The following MED15 variants were observed in gnomAD, a reference collection of about 807,000 sequenced individuals.
MED15 encodes mediator complex subunit 15, also known as mediator of RNA polymerase II transcription subunit 15.
In MED15, 41 loss-of-function variants were observed where a neutral mutation model predicts 118.7. The ratio of observed to expected loss-of-function variants is 0.35; its 90% CI spans 0.27 to 0.45. MED15 has a LOEUF of 0.45. Among genes scored for constraint, MED15 ranks in the 20% least tolerant of loss-of-function variants. The probability of loss-of-function intolerance (pLI) is 1.00; values close to 1 mark genes in which losing one functional copy is unlikely to be tolerated. For synonymous variants in MED15, 436 were observed against 413.9 expected (o/e 1.05, Z -0.65); for missense variants, 740 against 1,025.5 (o/e 0.72, Z 3.80).
intron 8 of MED15, among the ~76,000 whole-genome samples, chr22:20,573,157 G>A (rs1333041434): frequency 1.3e-5 from 2 of 152,076 alleles, no homozygotes; most frequent in East Asian, 1.9e-4. Flanking sequence ...TAGTAGAGAC[G>A]GGGTTTTGTC....
rs1569233142 is a variant in MED15 at position 20,568,507 on chromosome 22, C to G, written c.1042-14C>G. 5.6e-6 allele frequency: 9 copies of G among 1,612,684 alleles called. No individual in the cohort carries two copies. The highest frequency in any genetic ancestry group is 7.6e-6 in the Non-Finnish European group (9 of 1,179,700). ...CAGGTGGTTCCAAATCACATTCTCT[C>G]TTTCTCCCTCAAGGTCCGAGCTCCG... On this transcript the variant is annotated splice_polypyrimidine_tract_variant and intron_variant, in intron 7 of 17. Coordinates refer to ENST00000263205, the MANE Select transcript of MED15 (RefSeq NM_001003891.3).
intron 2 of MED15, among the ~76,000 whole-genome samples, chr22:20,539,110 T>C (rs1294339718): frequency 6.6e-6 from 1 of 151,860 alleles, no homozygotes; most frequent in African/African-American, 2.4e-5. Context: ...TCCTCTTTTG[T>C]TTTTTTTAGA....
At chr22:20,566,218 T>G (rs1421231214) in intron 6 of MED15, among the ~76,000 whole-genome samples, 2 of 152,026 alleles carry the variant, frequency 1.3e-5, no homozygotes, top group African/African-American at 4.8e-5. Flanking sequence ...TTTTGTATTA[T>G]TAGTAGAGAC....
intron 9 of MED15, among the ~76,000 whole-genome samples, chr22:20,580,641 G>A (rs537396981): frequency 6.6e-6 from 1 of 152,238 alleles, no homozygotes; most frequent in East Asian, 1.9e-4. Flanking sequence ...CCCACTCCTC[G>A]GTGCCGTCTG....
chr22:20,555,142 C>G lies in MED15; in HGVS notation c.445C>G (p.Pro149Ala). 1 of 1,597,968 alleles carries G rather than the reference C, an allele frequency of 6.3e-7. No individual in the cohort carries two copies. The highest frequency in any genetic ancestry group is 8.5e-7 in the Non-Finnish European group (1 of 1,173,024). Residue 149 changes from proline to alanine, a missense_variant, in exon 5 of 18, where the codon CCA (proline) becomes GCA (alanine). Physicochemically the swap from Pro to Ala is conservative, Grantham distance 27. Around this residue, in one of 7 missense-constraint regions of MED15, gnomAD observed 117 missense variants for 124.6 expected, o/e 0.94. Coordinates refer to ENST00000263205, the MANE Select transcript of MED15 (RefSeq NM_001003891.3). ...HSMAVVSTAT[P>A]QTQLQLQQVA... ...CATGGCTGTCGTGTCTACGGCAACT[C>G]CACAGAGTGAGTACCACACTTCTTG...
Position 20,587,540 on chromosome 22 carries a change from C to T in MED15, c.*836C>T. On this transcript the variant is annotated 3_prime_UTR_variant, in exon 18 of 18. Transcript: ENST00000263205. ...GCCACTCTGGGCACCGGCCAGCACC[C>T]TCTGGTGAGAAGAGGTCCCCCCTTT... 3.0e-6 allele frequency: 1 copy of T among 332,038 alleles called. No individual in the cohort carries two copies. The highest frequency in any genetic ancestry group is 5.4e-6 in the Non-Finnish European group (1 of 183,528). The allele number at this position is 332,038 out of a possible 1,614,324, so 20.6% of individuals were successfully genotyped here. A position where few individuals can be genotyped will look rare whatever the true frequency, so the allele number is the denominator to read the frequency against.
intron 4 of MED15, among the ~76,000 whole-genome samples, chr22:20,553,825 C>G (rs142756622): frequency 0.024 from 3,689 of 152,292 alleles, 64 homozygotes; most frequent in Middle Eastern, 0.068. Flanking sequence ...GAGTTGAGAT[C>G]GTGCCACTGC....
chr22:20,565,747 A>T (rs932528132), intron 6 of MED15, among the ~76,000 whole-genome samples: 2 of 152,230 alleles, frequency 1.3e-5, no homozygotes, highest in African/African-American at 4.8e-5. Context: ...TATAGGGGCA[A>T]AGCAAGCATC....
At chr22:20,513,750 C>T (rs542686931) in intron 1 of MED15, among the ~76,000 whole-genome samples, 2 of 152,292 alleles carry the variant, frequency 1.3e-5, no homozygotes, top group African/African-American at 4.8e-5. Flanking sequence ...AGTAGGAGAT[C>T]TATAGTCTTG....
At chr22:20,564,712 C>A in intron 6 of MED15, 24 bp downstream of exon 6, 1 of 1,613,818 alleles carries the variant, frequency 6.2e-7, no homozygotes, top group South Asian at 1.1e-5. Flanking sequence ...TGTTCCTGCT[C>A]TTGGCCTCCC....
intron 1 of MED15, among the ~76,000 whole-genome samples, chr22:20,516,313 C>T (rs1297163892): frequency 6.6e-6 from 1 of 151,106 alleles, no homozygotes; most frequent in Non-Finnish European, 1.5e-5. Context: ...AACTCCGTCT[C>T]AATAAATAAT....
At chr22:20,521,923 G>C (rs529904063) in intron 1 of MED15, 1 of 151,768 alleles carries the variant, frequency 6.6e-6, no homozygotes, top group Non-Finnish European at 1.5e-5. Context: ...ATGGGGTTTC[G>C]CCATGTTGGG....
chr22:20,509,779 G>A (rs1023174500), intron 1 of MED15, among the ~76,000 whole-genome samples: 2 of 152,114 alleles, frequency 1.3e-5, no homozygotes, highest in African/African-American at 4.8e-5. Flanking sequence ...GTTATCTGTA[G>A]GTGAAAACTT....
intron 2 of MED15, among the ~76,000 whole-genome samples, chr22:20,541,463 G>A (rs1263951013): frequency 2.6e-5 from 4 of 151,996 alleles, no homozygotes; most frequent in South Asian, 4.1e-4. Flanking sequence ...AATAATAAGC[G>A]TTGGCAAAGA....
chr22:20,568,673 T>C (rs777034586), intron 8 of MED15, 42 bp downstream of exon 8: 1 of 1,599,192 alleles, frequency 6.3e-7, no homozygotes, highest in South Asian at 1.1e-5. Flanking sequence ...CATCAGCAGG[T>C]GCATGTTCAC....
chr22:20,529,845 G>A (rs897857591), intron 1 of MED15, among the ~76,000 whole-genome samples: 1 of 152,106 alleles, frequency 6.6e-6, no homozygotes, highest in Non-Finnish European at 1.5e-5. Flanking sequence ...ACCTGCCTTG[G>A]CCTCCCAAAG....
chr22:20,542,550 A>G (rs1231280938), intron 2 of MED15, among the ~76,000 whole-genome samples: 3 of 152,206 alleles, frequency 2.0e-5, no homozygotes, highest in Non-Finnish European at 4.4e-5. Flanking sequence ...TGGCTGCCAT[A>G]ACAAGTTACC....
Position 20,537,222 on chromosome 22 carries a change from G to A in MED15, c.156+18G>A, listed in dbSNP as rs1206573611. 4 of 1,605,116 alleles carry A rather than the reference G, an allele frequency of 2.5e-6. No homozygotes were observed. Among genetic ancestry groups the A allele is most frequent in the African/African-American group, 1.3e-5 (1 of 74,770 alleles). On this transcript the variant is annotated intron_variant, in intron 2 of 17. Transcript: ENST00000263205. ...AGACCCGGGTAAGGCCCTAGTAAGT[G>A]GAGCCACTCTGGCAGAGAGACTTGG...
intron 7 of MED15, among the ~76,000 whole-genome samples, 159 bp downstream of exon 7, chr22:20,566,976 C>T (rs1438971322): frequency 6.6e-6 from 1 of 152,220 alleles, no homozygotes; most frequent in African/African-American, 2.4e-5. Flanking sequence ...TAGCATGGCT[C>T]AGCAGGGAAG....
Sources: gnomAD v4.1 joint callset for allele counts (sites outside exome capture counted in the v4.1 genomes callset) on GRCh38, gnomAD v4.1.1 for gene constraint, gnomAD v4.1.1 regional missense constraint, MANE v1.5 for transcripts, NCBI Gene and HGNC (gene_info 2026-07-23, HGNC 2026-07-21) for gene names.